The following SLC12A1 variants were observed in gnomAD, a reference collection of about 807,000 sequenced individuals.
SLC12A1 encodes Na-K-2Cl cotransporter.
SLC12A1 carries 89 observed loss-of-function variants against 130.4 expected under a neutral mutation model. That is an observed-to-expected ratio of 0.68 (90% confidence interval 0.58 to 0.81). The LOEUF (loss-of-function observed/expected upper bound fraction) is 0.81, where lower values mean the gene tolerates loss of function less well. Ranked by LOEUF, SLC12A1 falls within the 40% of genes least tolerant of loss-of-function variation. The probability of loss-of-function intolerance (pLI) is 0.00; values close to 1 mark genes in which losing one functional copy is unlikely to be tolerated. For missense variants in SLC12A1, 1,310 were observed against 1,336.4 expected (o/e 0.98, Z 0.31); for synonymous variants, 499 against 460.0 (o/e 1.08, Z -1.09).
chr15:48,267,754 A>C, intron 18 of SLC12A1, 53 bp downstream of exon 18: 1 of 1,592,606 alleles, frequency 6.3e-7, no homozygotes. Context: ...TTAGTGCTCC[A>C]TGTTAATAAG....
intron 2 of SLC12A1, among the ~76,000 whole-genome samples, chr15:48,216,133 A>G (rs1426011513): frequency 1.3e-5 from 2 of 152,212 alleles, no homozygotes; most frequent in African/African-American, 4.8e-5. Context: ...TTAATACCTA[A>G]GGGAGAGTTG....
rs143862365 is a variant in SLC12A1, at chr15:48,251,927, G to A, written c.1942+157G>A. 0.012 allele frequency among the ~76,000 whole-genome samples: 1,847 copies of A among 152,212 alleles called. 29 individuals carry two copies. Among genetic ancestry groups the A allele is most frequent in the Non-Finnish European group, 0.021 (1,413 of 68,016 alleles). On this transcript the variant is annotated intron_variant, in intron 15 of 26. Coordinates refer to ENST00000380993, the MANE Select transcript of SLC12A1 (RefSeq NM_000338.3). ...TATAATAGTAACAATAGTTGGGGCCGGGTGCAGTGGCTCACACCTGTAATC... is the reference window on the plus strand; with the variant it reads ...TATAATAGTAACAATAGTTGGGGCCAGGTGCAGTGGCTCACACCTGTAATC...
intron 6 of SLC12A1, 103 bp from the exon 7 acceptor site, chr15:48,230,290 C>A: frequency 1.5e-6 from 1 of 685,910 alleles, no homozygotes; most frequent in Non-Finnish European, 2.6e-6. Flanking sequence ...CCTATATGGC[C>A]CCAGGTGTAA....
chr15:48,273,414 C>G (rs956808583), intron 19 of SLC12A1, among the ~76,000 whole-genome samples: 2 of 152,140 alleles, frequency 1.3e-5, no homozygotes, highest in Non-Finnish European at 2.9e-5. Flanking sequence ...GATAATCTCC[C>G]CATCTCAAAG....
chr15:48,248,885 A>C (rs1370202718), intron 13 of SLC12A1, among the ~76,000 whole-genome samples: 1 of 152,120 alleles, frequency 6.6e-6, no homozygotes. Context: ...CTCTACTAAA[A>C]CTACAAAAAT....
rs147667912 is a variant in SLC12A1 at position 48,259,266 on chromosome 15, C to T, written c.2109C>T (p.Ala703=). The T allele has an allele frequency of 1.2e-5, 20 of 1,613,802 alleles. No homozygotes were observed. Among genetic ancestry groups the T allele is most frequent in the Admixed American group, 6.7e-5 (4 of 60,002 alleles). The part of the protein sequence containing the change: ...TRPALLDITH[A]FTKNSGLCIC... ...CTGCTCTCCTGGACATAACTCACGC[C>T]TTTACCAAGAACAGTGGCCTTTGCA... Residue 703 remains alanine (A), a synonymous_variant, in exon 17 of 27, where the codon GCC becomes GCT. Transcript: ENST00000380993.
intron 8 of SLC12A1, among the ~76,000 whole-genome samples, chr15:48,234,077 T>C (rs547778552): frequency 6.6e-6 from 1 of 152,282 alleles, no homozygotes; most frequent in South Asian, 2.1e-4. Flanking sequence ...GATTCATGCA[T>C]TAGTAGCAAA....
intron 13 of SLC12A1, among the ~76,000 whole-genome samples, chr15:48,248,740 C>T (rs2041612364): frequency 6.6e-6 from 1 of 152,212 alleles, no homozygotes; most frequent in Admixed American, 6.5e-5. Context: ...GATATTTACT[C>T]CTGAGGCAAA....
At chr15:48,299,022 G>T in intron 24 of SLC12A1, 118 bp from the exon 25 acceptor site, 1 of 864,320 alleles carries the variant, frequency 1.2e-6, no homozygotes, top group South Asian at 1.7e-5. Flanking sequence ...ATTCTTAAAA[G>T]ATTTGCATGA....
intron 5 of SLC12A1, chr15:48,226,834 T>C: frequency 1.7e-6 from 1 of 588,458 alleles, no homozygotes; most frequent in Non-Finnish European, 3.0e-6. Flanking sequence ...TTTTTCTTTT[T>C]CAGGCTAGTC....
intron 5 of SLC12A1, chr15:48,227,019 G>T (rs1459699462): frequency 2.6e-5 from 28 of 1,073,086 alleles, no homozygotes; most frequent in Non-Finnish European, 2.2e-5. Flanking sequence ...GCTGCCTCCT[G>T]AAGTACTGGT....
chr15:48,269,851 G>A (rs1003461625), intron 19 of SLC12A1, 87 bp downstream of exon 19: 7 of 657,024 alleles, frequency 1.1e-5, no homozygotes, highest in Admixed American at 2.4e-5. Flanking sequence ...ACACTGTTGT[G>A]TCAGATTAAA....
At chr15:48,263,503 T>G (rs1362549106) in intron 17 of SLC12A1, among the ~76,000 whole-genome samples, 1 of 152,180 alleles carries the variant, frequency 6.6e-6, no homozygotes, top group Non-Finnish European at 1.5e-5. Flanking sequence ...TGCATTTTTA[T>G]AGATCAAAAT....
intron 9 of SLC12A1, among the ~76,000 whole-genome samples, chr15:48,240,112 C>G (rs1265380024): frequency 2.2e-4 from 16 of 74,376 alleles, no homozygotes; most frequent in East Asian, 7.9e-4. Flanking sequence ...TATATATATC[C>G]ATATATATAT....
rs1412059914 is a variant in SLC12A1, at chr15:48,255,888, G to A, written c.2020G>A (p.Glu674Lys). 6.3e-7 allele frequency: 1 copy of A among 1,599,222 alleles called. No homozygotes were observed. Among genetic ancestry groups the A allele is most frequent in the Non-Finnish European group, 8.5e-7 (1 of 1,172,400 alleles). Residue 674 changes from glutamate (E) to lysine (K), a missense_variant, in exon 16 of 27, where the codon GAA becomes AAA. Physicochemically the swap from Glu to Lys is moderately conservative, Grantham distance 56. Transcript: ENST00000380993. ...LDNALELTTV[E>K]DHVKNFRPQC... The stretch of plus-strand genomic sequence containing the variant: ...CAATGCTCTGGAATTAACCACAGTG[G>A]AAGACCACGTAAAAAACTTCAGGTA...
At chr15:48,257,575 C>T (rs955070646) in intron 16 of SLC12A1, among the ~76,000 whole-genome samples, 1 of 152,184 alleles carries the variant, frequency 6.6e-6, no homozygotes, top group African/African-American at 2.4e-5. Flanking sequence ...GGACCAACAC[C>T]ACATGAAAGC....
At chr15:48,302,386 C>T (rs1054847302) in intron 26 of SLC12A1, among the ~76,000 whole-genome samples, 1 of 150,846 alleles carries the variant, frequency 6.6e-6, no homozygotes. Flanking sequence ...TTTGGGAGGC[C>T]GAGGCGGGTG....
chr15:48,297,301 C>A (rs2042186986), intron 24 of SLC12A1, among the ~76,000 whole-genome samples: 1 of 152,182 alleles, frequency 6.6e-6, no homozygotes, highest in African/African-American at 2.4e-5. Context: ...GTTTCACTAA[C>A]CTAAGCCACT....
In SLC12A1 at chr15:48,269,751, G is replaced by A. The variant is rs139614226; in HGVS notation, c.2389G>A (p.Val797Met). 40 of 1,588,486 alleles carry A rather than the reference G, an allele frequency of 2.5e-5. No individual in the cohort carries two copies. The highest frequency in any genetic ancestry group is 5.5e-5 in the South Asian group (5 of 90,486). Residue 797 changes from valine (V) to methionine (M), a missense_variant, in exon 19 of 27, where the codon GTG (valine) becomes ATG (methionine). By Grantham distance (21) the Val-to-Met change is conservative. Transcript: ENST00000380993. ...KAPLTEIENY[V>M]GIIHDAFDFE... ...TCCCTTGACAGAGATTGAGAACTACGTGGGAATCATACAGTAAGTGATGGC... is the reference window on the plus strand; with the variant it reads ...TCCCTTGACAGAGATTGAGAACTACATGGGAATCATACAGTAAGTGATGGC...
Sources: gnomAD v4.1 joint callset for allele counts (sites outside exome capture counted in the v4.1 genomes callset) on GRCh38, gnomAD v4.1.1 for gene constraint, MANE v1.5 for transcripts, NCBI Gene and HGNC (gene_info 2026-07-23, HGNC 2026-07-21) for gene names.